The following TLE3 variants were observed in gnomAD, a reference collection of about 807,000 sequenced individuals.
TLE3 encodes the protein transducin-like enhancer protein 3.
TLE3 carries 14 observed loss-of-function variants against 93.0 expected under a neutral mutation model. The ratio of observed to expected loss-of-function variants is 0.15; its 90% CI spans 0.10 to 0.24. The LOEUF (loss-of-function observed/expected upper bound fraction) is 0.24, where lower values mean the gene tolerates loss of function less well. TLE3 is among the 10% of genes least tolerant of loss of function. The pLI is 1.00. For missense variants in TLE3, 693 were observed against 1,046.6 expected, an observed-to-expected ratio of 0.66 and a Z score of 4.66; for synonymous variants, 451 against 425.0, an observed-to-expected ratio of 1.06 and a Z score of -0.75.
At chr15:70,065,610 A>T (rs1421243226) in intron 7 of TLE3, among the ~76,000 whole-genome samples, 1 of 152,234 alleles carries the variant, frequency 6.6e-6, no homozygotes, top group Non-Finnish European at 1.5e-5. Context: ...GGTAGGATGT[A>T]AGACGACAGT....
At chr15:70,079,041 C>T (rs2057604850) in intron 4 of TLE3, among the ~76,000 whole-genome samples, 1 of 152,130 alleles carries the variant, frequency 6.6e-6, no homozygotes, top group African/African-American at 2.4e-5. Flanking sequence ...GTCTGGAGCC[C>T]AGCTCACTCT....
At chr15:70,094,776 A>G (rs947642819) in intron 3 of TLE3, 200 bp from the exon 4 acceptor site, 2 of 565,138 alleles carry the variant, frequency 3.5e-6, no homozygotes, top group Non-Finnish European at 6.4e-6. Context: ...TCTCAACAGA[A>G]CGTTATATTA....
intron 19 of TLE3, 73 bp downstream of exon 19, chr15:70,051,318 C>T: frequency 7.0e-6 from 10 of 1,438,362 alleles, no homozygotes; most frequent in Non-Finnish European, 9.5e-6. Flanking sequence ...TGCTGCTATC[C>T]TCACTCCCAT....
Position 70,076,108 on chromosome 15 carries a change from G to C in TLE3, c.285C>G (p.Phe95Leu). Residue 95 changes from phenylalanine (F) to leucine (L), a missense_variant, in exon 5 of 20, where the codon TTC (phenylalanine) becomes TTG (leucine). Phe to Leu is a conservative substitution (Grantham distance 22, BLOSUM62 0). Transcript: ENST00000451782. ...AAGAAGGTCTTACCTCTTGTGACAG[G>C]AAAGGCATGATCTGTGCTAAAATTG... ...LNTILAQIMP[F>L]LSQEHQQQVA... The C allele has an allele frequency of 6.2e-7, 1 of 1,613,942 alleles. No individual in the cohort carries two copies. The highest frequency in any genetic ancestry group is 8.5e-7 in the Non-Finnish European group (1 of 1,179,830).
chr15:70,082,809 C>T (rs951796622), intron 4 of TLE3, among the ~76,000 whole-genome samples: 21 of 152,154 alleles, frequency 1.4e-4, no homozygotes, highest in African/African-American at 2.9e-4. Context: ...CAGTGAGGAG[C>T]CAGGGCAGGG....
At chr15:70,087,755 C>G (rs1395731684) in intron 4 of TLE3, among the ~76,000 whole-genome samples, 1 of 152,234 alleles carries the variant, frequency 6.6e-6, no homozygotes, top group African/African-American at 2.4e-5. Context: ...CTTCACAGGA[C>G]ACATTGGCAA....
intron 4 of TLE3, among the ~76,000 whole-genome samples, chr15:70,089,942 C>T (rs1426454109): frequency 1.3e-5 from 2 of 152,124 alleles, no homozygotes; most frequent in Non-Finnish European, 2.9e-5. Context: ...GAGAATGAGT[C>T]CCGAATTAGG....
At chr15:70,073,807 G>A (rs1224302448) in intron 6 of TLE3, among the ~76,000 whole-genome samples, 1 of 152,224 alleles carries the variant, frequency 6.6e-6, no homozygotes, top group Non-Finnish European at 1.5e-5. Flanking sequence ...GCAGCAAGCA[G>A]GAGAAAGATG....
chr15:70,064,532 A>T (rs2056693623), intron 7 of TLE3, 62 bp from the exon 8 acceptor site: 1 of 1,610,818 alleles, frequency 6.2e-7, no homozygotes, highest in Admixed American at 1.7e-5. Context: ...AAAGACAAAA[A>T]AGAAAGGAAA....
chr15:70,058,043 C>A lies in TLE3; in HGVS notation c.1051+116G>T. On this transcript the variant is annotated intron_variant, in intron 12 of 19. Transcript: ENST00000451782. This position sits in a 1 kb window ranked among gnomAD's most constrained non-coding sequence, Gnocchi z 4.1. ...ACCGTGAAGTCCCCAGGGGCAGGCCCTGGGAGACACTGCCTGTGCTCTATC... is the reference window on the plus strand; with the variant it reads ...ACCGTGAAGTCCCCAGGGGCAGGCCATGGGAGACACTGCCTGTGCTCTATC... 1 of 1,502,242 alleles carries A rather than the reference C, an allele frequency of 6.7e-7. No homozygotes were observed. Among genetic ancestry groups the A allele is most frequent in the South Asian group, 1.3e-5 (1 of 79,784 alleles). The allele number at this position is 1,502,242 out of a possible 1,614,324, so 93.1% of individuals were successfully genotyped here. A position where few individuals can be genotyped will look rare whatever the true frequency, so the allele number is the denominator to read the frequency against.
chr15:70,072,330 G>C (rs796208387), intron 6 of TLE3, among the ~76,000 whole-genome samples: 34 of 152,298 alleles, frequency 2.2e-4, no homozygotes, highest in South Asian at 8.3e-4. Flanking sequence ...TTCCAAAGAG[G>C]GGGGCAGAGG....
chr15:70,054,735 C>T, intron 15 of TLE3, 50 bp from the exon 16 acceptor site: 2 of 1,507,394 alleles, frequency 1.3e-6, no homozygotes, highest in Non-Finnish European at 1.8e-6. Flanking sequence ...CCCTCCTGGG[C>T]ACCAGGAGAG....
At chr15:70,055,430 T>C in intron 14 of TLE3, 132 bp from the exon 15 acceptor site, 1 of 1,326,054 alleles carries the variant, frequency 7.5e-7, no homozygotes, top group Non-Finnish European at 1.0e-6. Flanking sequence ...CTGAAACCAT[T>C]CGAACCCAGT....
At chr15:70,059,658 C>T (rs1359485652) in intron 9 of TLE3, among the ~76,000 whole-genome samples, 198 bp from the exon 10 acceptor site, 1 of 152,216 alleles carries the variant, frequency 6.6e-6, no homozygotes, top group Non-Finnish European at 1.5e-5. Flanking sequence ...AGGCTGTCCC[C>T]TAGCCCAGGC....
At chr15:70,051,864 C>G (rs1359040011) in intron 18 of TLE3, among the ~76,000 whole-genome samples, 1 of 152,148 alleles carries the variant, frequency 6.6e-6, no homozygotes, top group Non-Finnish European at 1.5e-5. Flanking sequence ...AGTGGGCGAC[C>G]TTCCTCCAAG....
intron 4 of TLE3, among the ~76,000 whole-genome samples, chr15:70,086,017 T>C (rs2058022226): frequency 6.6e-6 from 1 of 152,178 alleles, no homozygotes; most frequent in African/African-American, 2.4e-5. Context: ...GAAGACCTAT[T>C]GACCAATCAG....
chr15:70,095,283 T>C (rs762038801), intron 3 of TLE3: 33 of 1,314,540 alleles, frequency 2.5e-5, no homozygotes, highest in African/African-American at 3.0e-5. Context: ...GCAATGGCAA[T>C]CAGCCCCTGG....
chr15:70,095,659 G>T lies in TLE3; in HGVS notation c.126-18C>A. 6.4e-7 allele frequency: 1 copy of T among 1,551,152 alleles called. No homozygotes were observed. The highest frequency in any genetic ancestry group is 8.7e-7 in the Non-Finnish European group (1 of 1,146,784). On this transcript the variant is annotated intron_variant, in intron 2 of 19. Transcript: ENST00000451782. ...CTTTGAGGCTGCGAGGGCAGGAGGA[G>T]CCGGCTCAGGCGTGGCGCCTGGACA...
Position 70,062,042 on chromosome 15 carries a change from A to G in TLE3, c.595-1393T>C, listed in dbSNP as rs181158085. On this transcript the variant is annotated intron_variant, in intron 8 of 19. Transcript: ENST00000451782. The stretch of plus-strand genomic sequence containing the variant: ...ACGGGGCTGGGCAGTATTCGGTGGG[A>G]ATAGTGCGGCAACCAGCCTCAGAAC... Among the ~76,000 whole-genome samples, 803 of 152,286 alleles carry G rather than the reference A, an allele frequency of 5.3e-3. 5 individuals carry two copies. Among genetic ancestry groups the G allele is most frequent in the Admixed American group, 7.8e-3 (119 of 15,300 alleles).
Sources: gnomAD v4.1 joint callset for allele counts (sites outside exome capture counted in the v4.1 genomes callset) on GRCh38, gnomAD v4.1.1 for gene constraint, Gnocchi (gnomAD v3.1) non-coding constraint, MANE v1.5 for transcripts, NCBI Gene and HGNC (gene_info 2026-07-23, HGNC 2026-07-21) for gene names.